Variants in CDH13 observed in about 807,000 individuals in gnomAD.
CDH13 encodes cadherin-13.
A neutral mutation model predicts 63.8 loss-of-function variants in CDH13; 24 were observed. That is an observed-to-expected ratio of 0.38 (90% CI 0.27 to 0.53). The LOEUF is 0.53. Among genes scored for constraint, CDH13 ranks in the 20% least tolerant of loss-of-function variants. The probability of loss-of-function intolerance (pLI) is 0.85; values close to 1 mark genes in which losing one functional copy is unlikely to be tolerated. For synonymous variants in CDH13, 503 were observed against 355.3 expected (o/e 1.42, Z -4.67); for missense variants, 1,049 against 903.1 (o/e 1.16, Z -2.07).
intron 2 of CDH13, among the ~76,000 whole-genome samples, chr16:82,910,826 A>G (rs999733190): frequency 1.3e-5 from 2 of 152,188 alleles, no homozygotes; most frequent in African/African-American, 4.8e-5. Flanking sequence ...TGTCCCTTTC[A>G]GAGCACAGTG....
chr16:82,643,431 A>T (rs1055563405), intron 1 of CDH13, among the ~76,000 whole-genome samples: 24 of 152,178 alleles, frequency 1.6e-4, no homozygotes, highest in African/African-American at 5.6e-4. Context: ...AAGCAGAACG[A>T]TGTTGAGAAA....
At chr16:82,760,600 A>G (rs188699789) in intron 1 of CDH13, among the ~76,000 whole-genome samples, 11 of 152,324 alleles carry the variant, frequency 7.2e-5, no homozygotes, top group African/African-American at 2.6e-4. Context: ...AGAGGGAAAC[A>G]GAAGTTATTT....
At chr16:83,435,802 T>C (rs761703629) in intron 6 of CDH13, among the ~76,000 whole-genome samples, 1 of 152,206 alleles carries the variant, frequency 6.6e-6, no homozygotes, top group Non-Finnish European at 1.5e-5. Context: ...TCCTTCTGCA[T>C]TTCCTGCTGT....
intron 5 of CDH13, among the ~76,000 whole-genome samples, chr16:83,312,143 C>G (rs1183687158): frequency 6.7e-6 from 1 of 148,542 alleles, no homozygotes; most frequent in Non-Finnish European, 1.5e-5. Context: ...ATTACAAGTT[C>G]TTTTTCATTT....
chr16:83,723,055 A>T (rs1169182039), intron 10 of CDH13, among the ~76,000 whole-genome samples: 2 of 152,204 alleles, frequency 1.3e-5, no homozygotes, highest in East Asian at 1.9e-4. Context: ...GTGCATTTTT[A>T]AAATATGGAA....
chr16:83,129,691 C>G (rs1319576382), intron 4 of CDH13, among the ~76,000 whole-genome samples: 3 of 152,152 alleles, frequency 2.0e-5, no homozygotes, highest in African/African-American at 7.2e-5. Context: ...ATCTGGTCTG[C>G]CCTGCACTCT....
intron 3 of CDH13, among the ~76,000 whole-genome samples, chr16:83,049,694 T>C (rs1384817734): frequency 6.6e-6 from 1 of 152,154 alleles, no homozygotes; most frequent in African/African-American, 2.4e-5. Flanking sequence ...CTTCATTCCT[T>C]TTTAGGGATA....
chr16:83,240,715 AT>A (rs1477579267), intron 5 of CDH13, among the ~76,000 whole-genome samples: 4,437 of 49,358 alleles, frequency 0.09, 904 homozygotes, highest in African/African-American at 0.23. Context: ...TACTGTCTTA[AT>A]CTTTTTTTTT....
At chr16:82,966,025 A>G (rs1394643820) in intron 2 of CDH13, among the ~76,000 whole-genome samples, 1 of 152,242 alleles carries the variant, frequency 6.6e-6, no homozygotes, top group Non-Finnish European at 1.5e-5. Context: ...CGTCTTGGCT[A>G]GCCTCAGAGG....
At chr16:83,363,619 G>A (rs552548030) in intron 6 of CDH13, among the ~76,000 whole-genome samples, 55 of 152,270 alleles carry the variant, frequency 3.6e-4, no homozygotes, top group South Asian at 1.0e-3. Context: ...TTCTTTACTG[G>A]CAGAATTTTG....
chr16:83,575,078 C>T (rs1329422412), intron 7 of CDH13, among the ~76,000 whole-genome samples: 1 of 152,168 alleles, frequency 6.6e-6, no homozygotes, highest in Non-Finnish European at 1.5e-5. Flanking sequence ...ATGAACGAAG[C>T]ACTGTGAGAT....
chr16:83,207,277 T>C (rs1009578638), intron 4 of CDH13, among the ~76,000 whole-genome samples: 1 of 152,224 alleles, frequency 6.6e-6, no homozygotes, highest in African/African-American at 2.4e-5. Context: ...TGTTGCACTT[T>C]CTGTCTCTAT....
intron 2 of CDH13, 35 bp from the exon 3 acceptor site, chr16:83,031,975 C>T (rs761854858): frequency 3.9e-6 from 6 of 1,520,500 alleles, no homozygotes; most frequent in South Asian, 2.4e-5. Context: ...GCCCAACCTA[C>T]TCATGCTCCT....
chr16:82,709,266 C>G (rs1366713151), intron 1 of CDH13, among the ~76,000 whole-genome samples: 1 of 152,168 alleles, frequency 6.6e-6, no homozygotes, highest in African/African-American at 2.4e-5. Context: ...ATTTTAATCC[C>G]AGGAACCAAG....
chr16:82,718,104 A>G (rs1340108450), intron 1 of CDH13, among the ~76,000 whole-genome samples: 1 of 152,178 alleles, frequency 6.6e-6, no homozygotes, highest in Non-Finnish European at 1.5e-5. Context: ...CAGTGGGGGA[A>G]GTGAGACAGG....
chr16:83,589,856 C>T (rs1389855511), intron 7 of CDH13, among the ~76,000 whole-genome samples: 2 of 151,972 alleles, frequency 1.3e-5, no homozygotes, highest in Non-Finnish European at 2.9e-5. Flanking sequence ...ATGGAGGCAA[C>T]CTTCAAGCAA....
chr16:82,753,564 C>G (rs556737658), intron 1 of CDH13, among the ~76,000 whole-genome samples: 1 of 152,124 alleles, frequency 6.6e-6, no homozygotes, highest in Non-Finnish European at 1.5e-5. Context: ...TTCAAGATAT[C>G]CAAAACAATT....
intron 1 of CDH13, among the ~76,000 whole-genome samples, chr16:82,670,382 T>G (rs1011565094): frequency 3.3e-5 from 5 of 152,278 alleles, no homozygotes; most frequent in African/African-American, 4.8e-5. Flanking sequence ...CCCACTGATT[T>G]CTCCTTCACG....
Position 83,645,114 on chromosome 16 carries a change from C to G in CDH13, c.1102-25676C>G, listed in dbSNP as rs372587691. Among the ~76,000 whole-genome samples the G allele has an allele frequency of 3.9e-5, 6 of 152,314 alleles. No individual in the cohort carries two copies. The East Asian group carries it at 1.2e-3, about 29-fold the overall frequency. ...TACTCCTCATATGTTCACCACAGCA[C>G]TATTCACAATAGCAAGGTCATGGAA... On this transcript the variant is annotated intron_variant, in intron 8 of 13. Coordinates refer to ENST00000567109, the MANE Select transcript of CDH13 (RefSeq NM_001257.5).
Sources: gnomAD v4.1 joint callset for allele counts (sites outside exome capture counted in the v4.1 genomes callset) on GRCh38, gnomAD v4.1.1 for gene constraint, MANE v1.5 for transcripts, NCBI Gene and HGNC (gene_info 2026-07-23, HGNC 2026-07-21) for gene names.